Variants in METAP1 observed in about 807,000 individuals in gnomAD.
METAP1 encodes methionyl aminopeptidase 1, also known as methionine aminopeptidase 1.
Under a neutral mutation model 53.8 loss-of-function variants are expected in METAP1, and 28 were observed. That is an observed-to-expected ratio of 0.52 (90% confidence interval 0.39 to 0.71). METAP1 has a LOEUF of 0.71. METAP1 is among the 30% of genes least tolerant of loss of function. METAP1 has a pLI of 0.00. For synonymous variants in METAP1, 181 were observed against 165.7 expected (o/e 1.09, Z -0.71); for missense variants, 389 against 479.8 (o/e 0.81, Z 1.77).
intron 1 of METAP1, among the ~76,000 whole-genome samples, chr4:99,014,912 G>A (rs1723669916): frequency 1.3e-5 from 2 of 152,330 alleles, no homozygotes; most frequent in Non-Finnish European, 2.9e-5. Flanking sequence ...AGAGGCATGA[G>A]GCAAACTCTG....
intron 1 of METAP1, among the ~76,000 whole-genome samples, chr4:99,021,052 G>C (rs908893401): frequency 6.6e-6 from 1 of 152,216 alleles, no homozygotes; most frequent in South Asian, 2.1e-4. Flanking sequence ...GGGATATCTT[G>C]TCTGCTCAAA....
In METAP1 at chr4:99,012,139, A is replaced by G. The variant is rs147898484; in HGVS notation, c.114+16272A>G. Among the ~76,000 whole-genome samples, 412 of 152,160 alleles carry G rather than the reference A, an allele frequency of 2.7e-3. 4 individuals are homozygous for G. The highest frequency in any genetic ancestry group is 9.4e-3 in the African/African-American group (390 of 41,534). ...CGGTCTTGCATTCCTGGCCTCAGGC[A>G]GTCCTTCCCACCTCAGTCTTCCTTA... On this transcript the variant is annotated intron_variant, in intron 1 of 10. Coordinates refer to ENST00000296411, the MANE Select transcript of METAP1 (RefSeq NM_015143.3).
At position 99,044,748 on chromosome 4, in the gene METAP1, G is replaced by C. The variant is rs117486767; in HGVS notation, c.656-431G>C. ...AAAGCAAATGAGTTTTAAAAAAACA[G>C]GTGTAGAGCAGTGTAAATTTTTCTG... is the stretch of plus-strand genomic sequence containing the variant. On this transcript the variant is annotated intron_variant, in intron 7 of 10. Transcript: ENST00000296411. Among the ~76,000 whole-genome samples, 5 of 152,092 alleles carry C rather than the reference G, an allele frequency of 3.3e-5. 1 individual carries two copies. The highest frequency in any genetic ancestry group is 2.0e-4 in the Admixed American group (3 of 15,266).
intron 2 of METAP1, chr4:99,031,764 G>A (rs72908992): frequency 0.025 from 11,761 of 466,452 alleles, 1,205 homozygotes; most frequent in African/African-American, 0.22. Flanking sequence ...TAGTTATTTT[G>A]TGTCAGCTGA....
chr4:99,022,233 G>T, intron 1 of METAP1: 1 of 426,660 alleles, frequency 2.3e-6, no homozygotes, highest in Non-Finnish European at 3.8e-6. Context: ...ATGTCTGCCT[G>T]GGTAGTCATG....
At chr4:99,040,945 G>A in intron 5 of METAP1, 98 bp from the exon 6 acceptor site, 2 of 509,722 alleles carry the variant, frequency 3.9e-6, no homozygotes, top group Admixed American at 7.4e-5. Context: ...TTCAAGGGGA[G>A]ATTCATTTTT....
In METAP1 at chr4:99,059,581, G is replaced by A. The variant is rs77745591; in HGVS notation, c.998-1573G>A. Among the ~76,000 whole-genome samples, 1,327 of 152,220 alleles carry A rather than the reference G, an allele frequency of 8.7e-3. 20 individuals are homozygous for A. The highest frequency in any genetic ancestry group is 0.03 in the African/African-American group (1,253 of 41,524). ...CTAAAGATTACTCAAAATGAAGAAA[G>A]TATTGATTTTTTTTTAACATCTAAT... On this transcript the variant is annotated intron_variant, in intron 10 of 10. Transcript: ENST00000296411.
intron 1 of METAP1, among the ~76,000 whole-genome samples, chr4:99,001,075 C>A (rs936059608): frequency 6.6e-6 from 1 of 152,214 alleles, no homozygotes; most frequent in Admixed American, 6.5e-5. Context: ...CATGCAGTAT[C>A]TTTGAAATGC....
chr4:99,017,467 G>A (rs878982530), intron 1 of METAP1, among the ~76,000 whole-genome samples: 2 of 152,208 alleles, frequency 1.3e-5, no homozygotes, highest in African/African-American at 4.8e-5. Flanking sequence ...TCAAACATCC[G>A]AGAGGACCCA....
intron 3 of METAP1, among the ~76,000 whole-genome samples, 165 bp downstream of exon 3, chr4:99,034,507 G>A (rs1243710988): frequency 3.9e-5 from 6 of 152,176 alleles, no homozygotes; most frequent in Non-Finnish European, 1.5e-5. Context: ...GGAGCTGGTA[G>A]TTTGGCAATC....
chr4:99,023,948 T>C (rs891040741), intron 1 of METAP1: 1 of 255,214 alleles, frequency 3.9e-6, no homozygotes, highest in African/African-American at 2.3e-5. Flanking sequence ...CTCGAGCGTT[T>C]GGGTAAGGGA....
chr4:99,023,104 C>T lies in METAP1; in HGVS notation c.115-5763C>T, dbSNP rs146829324. 4,710 of 1,086,480 alleles carry T rather than the reference C, an allele frequency of 4.3e-3. 18 individuals are homozygous for T. Among genetic ancestry groups the T allele is most frequent in the Non-Finnish European group, 5.3e-3 (4,091 of 768,002 alleles). 67.3% of individuals were successfully genotyped at this position (1,086,480 alleles called of 1,614,324 possible). ...CCCTTCCAGCGCCTTTGCTCTGTTG[C>T]GGCCTTCTCCGATTCCTCTGCCTCC... On this transcript the variant is annotated intron_variant, in intron 1 of 10. Transcript: ENST00000296411.
At chr4:99,043,965 C>T (rs1329031693) in intron 7 of METAP1, among the ~76,000 whole-genome samples, 2 of 152,166 alleles carry the variant, frequency 1.3e-5, no homozygotes, top group African/African-American at 4.8e-5. Context: ...GACAGGGTCT[C>T]ACTGTCACCC....
intron 1 of METAP1, among the ~76,000 whole-genome samples, chr4:99,025,770 A>G (rs1724518232): frequency 6.6e-6 from 1 of 152,162 alleles, no homozygotes; most frequent in African/African-American, 2.4e-5. Flanking sequence ...TAGCATCAAC[A>G]CAGAGCTTGA....
intron 1 of METAP1, among the ~76,000 whole-genome samples, chr4:99,010,203 C>G (rs1723399783): frequency 6.6e-6 from 1 of 152,194 alleles, no homozygotes; most frequent in African/African-American, 2.4e-5. Context: ...CCTGTAATCC[C>G]TGCACTTTGG....
intron 1 of METAP1, among the ~76,000 whole-genome samples, 159 bp downstream of exon 1, chr4:98,996,026 T>C (rs1722603407): frequency 1.3e-5 from 2 of 151,524 alleles, no homozygotes; most frequent in African/African-American, 4.8e-5. Flanking sequence ...CACCGCCCCC[T>C]CCTGCCTCCT....
At chr4:99,041,177 C>G in intron 6 of METAP1, 51 bp downstream of exon 6, 1 of 1,238,500 alleles carries the variant, frequency 8.1e-7, no homozygotes, top group Non-Finnish European at 1.1e-6. Context: ...TTACTAGATG[C>G]TTTGAACTTA....
chr4:98,999,603 C>T (rs1221341026), intron 1 of METAP1, among the ~76,000 whole-genome samples: 5 of 145,884 alleles, frequency 3.4e-5, no homozygotes, highest in Admixed American at 6.9e-5. Context: ...CTCTGCCTCC[C>T]GGGTTCAAGC....
chr4:99,041,803 G>A (rs1209537315), intron 6 of METAP1, among the ~76,000 whole-genome samples: 1 of 151,416 alleles, frequency 6.6e-6, no homozygotes, highest in Admixed American at 6.6e-5. Context: ...CTTCTGCTTG[G>A]TGATGGTATT....
Sources: allele counts gnomAD v4.1 joint callset (sites outside exome capture counted in the v4.1 genomes callset), GRCh38; gene constraint gnomAD v4.1.1; transcripts MANE v1.5; gene names NCBI Gene and HGNC (gene_info 2026-07-23, HGNC 2026-07-21).